ACSS3: variants seen among roughly 807,000 people sequenced by gnomAD.
ACSS3 encodes the protein acyl-CoA synthetase short-chain family member 3, mitochondrial.
A neutral mutation model predicts 84.2 loss-of-function variants in ACSS3; 64 were observed. That is an observed-to-expected ratio of 0.76 (90% confidence interval 0.62 to 0.94). ACSS3 has a LOEUF of 0.94. ACSS3 is among the 40% of genes least tolerant of loss of function. The pLI is 0.00. For missense variants in ACSS3, 815 were observed against 867.6 expected (o/e 0.94, Z 0.76); for synonymous variants, 317 against 310.1 (o/e 1.02, Z -0.23).
intron 1 of ACSS3, among the ~76,000 whole-genome samples, chr12:81,085,697 T>C (rs1457008844): frequency 6.6e-6 from 1 of 152,224 alleles, no homozygotes; most frequent in Non-Finnish European, 1.5e-5. Flanking sequence ...CAAAGAGATA[T>C]GAATTAAATG....
At chr12:81,141,121 G>T (rs780164020) in intron 4 of ACSS3, among the ~76,000 whole-genome samples, 9 of 152,120 alleles carry the variant, frequency 5.9e-5, no homozygotes, top group Non-Finnish European at 1.5e-5. Context: ...CATTGGATAT[G>T]TGCAAGTCTC....
chr12:81,233,603 C>T, intron 13 of ACSS3, 132 bp downstream of exon 13: 4 of 1,106,064 alleles, frequency 3.6e-6, no homozygotes, highest in Non-Finnish European at 5.1e-6. Context: ...GTTACTCTTA[C>T]ATCTCTCCCA....
intron 10 of ACSS3, 109 bp from the exon 11 acceptor site, chr12:81,219,904 G>A: frequency 1.6e-6 from 1 of 607,094 alleles, no homozygotes; most frequent in South Asian, 5.8e-5. Flanking sequence ...GGAATTAAAA[G>A]ATTACTCTCT....
intron 5 of ACSS3, among the ~76,000 whole-genome samples, chr12:81,150,666 T>C (rs895495584): frequency 2.6e-5 from 4 of 152,206 alleles, no homozygotes; most frequent in African/African-American, 9.6e-5. Context: ...AGAGACCAGG[T>C]GTTGTTACAG....
intron 7 of ACSS3, chr12:81,174,547 CTT>C: frequency 2.9e-6 from 1 of 346,376 alleles, no homozygotes; most frequent in Non-Finnish European, 5.1e-6. Flanking sequence ...TTTTTCAAAA[CTT>C]GATGAAGAAA....
intron 7 of ACSS3, among the ~76,000 whole-genome samples, chr12:81,155,419 A>T (rs1886813985): frequency 6.6e-6 from 1 of 152,196 alleles, no homozygotes; most frequent in Admixed American, 6.5e-5. Flanking sequence ...ACCTATTGTT[A>T]GACATCTCTG....
chr12:81,077,910 C>A (rs1880716832), upstream of ACSS3: 3 of 519,250 alleles, frequency 5.8e-6, no homozygotes, highest in Non-Finnish European at 6.6e-6. Flanking sequence ...GGCGCTGTGA[C>A]ACCCCTGTCC....
intron 9 of ACSS3, among the ~76,000 whole-genome samples, chr12:81,206,433 G>C (rs1422437359): frequency 1.3e-5 from 2 of 152,046 alleles, no homozygotes; most frequent in Admixed American, 1.3e-4. Flanking sequence ...CTTAACTACT[G>C]TCTGATACAT....
intron 1 of ACSS3, among the ~76,000 whole-genome samples, chr12:81,107,517 T>TATAC (rs1883147524): frequency 2.4e-5 from 1 of 41,200 alleles, no homozygotes; most frequent in Non-Finnish European, 5.4e-5. Context: ...TATACATATA[T>TATAC]ATATATATAT....
intron 12 of ACSS3, among the ~76,000 whole-genome samples, chr12:81,231,495 A>C (rs189496042): frequency 3.8e-4 from 57 of 151,932 alleles, no homozygotes; most frequent in African/African-American, 1.3e-3. Flanking sequence ...AGAGCAGCAA[A>C]TCAGAATTAT....
At chr12:81,128,643 T>C (rs531838408) in intron 2 of ACSS3, among the ~76,000 whole-genome samples, 1 of 152,320 alleles carries the variant, frequency 6.6e-6, no homozygotes, top group South Asian at 2.1e-4. Flanking sequence ...ATGGTTAACT[T>C]TTCTTCAGTT....
chr12:81,194,836 G>A lies in ACSS3; in HGVS notation c.1251-4505G>A, dbSNP rs75438031. Among the ~76,000 whole-genome samples the A allele has an allele frequency of 3.6e-3, 541 of 150,330 alleles. 2 individuals carry two copies. Among genetic ancestry groups the A allele is most frequent in the African/African-American group, 0.012 (506 of 41,426 alleles). ...CACTTACTTAGATTAATTGTAGTTT[G>A]TGTGGTAGAGACTGGGGGATAGTCA... is the stretch of plus-strand genomic sequence containing the variant. On this transcript the variant is annotated intron_variant, in intron 8 of 15. Transcript: ENST00000548058.
intron 8 of ACSS3, among the ~76,000 whole-genome samples, chr12:81,186,529 T>C (rs2135858179): frequency 6.6e-6 from 1 of 151,770 alleles, no homozygotes; most frequent in South Asian, 2.1e-4. Context: ...ACTAATAACC[T>C]GATCAAAAAA....
At chr12:81,151,324 T>G (rs1886600057) in intron 5 of ACSS3, among the ~76,000 whole-genome samples, 1 of 152,186 alleles carries the variant, frequency 6.6e-6, no homozygotes. Flanking sequence ...ATTGCTCAGC[T>G]TTAAAGTGTG....
upstream of ACSS3, chr12:81,077,955 C>T (rs1880719124): frequency 4.0e-6 from 3 of 757,636 alleles, no homozygotes; most frequent in Non-Finnish European, 5.9e-6. Context: ...CTTCTCTGGT[C>T]GCTCCAGGTC....
At chr12:81,247,238 C>T (rs1565743116) in intron 13 of ACSS3, among the ~76,000 whole-genome samples, 2 of 152,090 alleles carry the variant, frequency 1.3e-5, no homozygotes, top group Non-Finnish European at 2.9e-5. Flanking sequence ...GAGATTACTT[C>T]CAATATTCAC....
intron 2 of ACSS3, among the ~76,000 whole-genome samples, chr12:81,133,507 C>T (rs1014776508): frequency 6.6e-6 from 1 of 152,120 alleles, no homozygotes; most frequent in African/African-American, 2.4e-5. Context: ...TTACCTCTTA[C>T]ATGTTTGTAT....
intron 9 of ACSS3, among the ~76,000 whole-genome samples, chr12:81,201,823 T>C (rs1436703575): frequency 6.6e-6 from 1 of 152,226 alleles, no homozygotes; most frequent in African/African-American, 2.4e-5. Context: ...GATAGGTAGC[T>C]AGTAGCTAGA....
intron 8 of ACSS3, among the ~76,000 whole-genome samples, chr12:81,193,231 C>T (rs1182888850): frequency 6.6e-6 from 1 of 152,082 alleles, no homozygotes; most frequent in Non-Finnish European, 1.5e-5. Flanking sequence ...GTCGACGAGG[C>T]ATCACTGAAA....
Sources: allele counts gnomAD v4.1 joint callset (sites outside exome capture counted in the v4.1 genomes callset), GRCh38; gene constraint gnomAD v4.1.1; transcripts MANE v1.5; gene names NCBI Gene and HGNC (gene_info 2026-07-23, HGNC 2026-07-21).